The following EBF1 variants were observed in gnomAD, a reference collection of about 807,000 sequenced individuals.
EBF1 encodes transcription factor COE1.
In EBF1, 10 loss-of-function variants were observed where a neutral mutation model predicts 68.4. That is an observed-to-expected ratio of 0.15 (90% confidence interval 0.09 to 0.25). EBF1 has a LOEUF of 0.25. Among genes scored for constraint, EBF1 ranks in the 10% least tolerant of loss-of-function variants. EBF1 has a pLI of 1.00. For synonymous variants in EBF1, 298 were observed against 299.8 expected, an observed-to-expected ratio of 0.99 and a Z score of 0.06; for missense variants, 509 against 794.4, an observed-to-expected ratio of 0.64 and a Z score of 4.32.
At chr5:158,769,462 G>A (rs1030662027) in intron 10 of EBF1, among the ~76,000 whole-genome samples, 129 of 152,130 alleles carry the variant, frequency 8.5e-4, no homozygotes, top group East Asian at 3.9e-4. Flanking sequence ...ACTCCAAATA[G>A]GAAATAAAGG....
intron 10 of EBF1, among the ~76,000 whole-genome samples, chr5:158,758,212 C>G (rs1298141051): frequency 1.3e-5 from 2 of 152,140 alleles, no homozygotes; most frequent in Non-Finnish European, 2.9e-5. Flanking sequence ...GACTCTTGAT[C>G]CATTCATTTA....
At position 158,698,301 on chromosome 5, in the gene EBF1, T is replaced by C. The variant is rs1030123612; in HGVS notation, c.*810A>G. 2.2e-5 allele frequency: 5 copies of C among 222,354 alleles called. No homozygotes were observed. Among genetic ancestry groups the C allele is most frequent in the Non-Finnish European group, 4.5e-5 (5 of 111,134 alleles). 13.8% of individuals were successfully genotyped at this position (222,354 alleles called of 1,614,324 possible). On this transcript the variant is annotated 3_prime_UTR_variant, in exon 16 of 16. Transcript: ENST00000313708. The stretch of plus-strand genomic sequence containing the variant: ...ACCAAGCTCTCGAGAGGCCATCGGC[T>C]TCAGAAGAAACTGACTTAAGTAAAA...
chr5:158,911,470 A>C (rs1401408484), intron 6 of EBF1, among the ~76,000 whole-genome samples: 2 of 151,140 alleles, frequency 1.3e-5, no homozygotes, highest in Non-Finnish European at 3.0e-5. Context: ...GTTTTTTTTT[A>C]GTTTTGTTTT....
chr5:158,807,742 A>T (rs939059208), intron 8 of EBF1, among the ~76,000 whole-genome samples: 2 of 152,160 alleles, frequency 1.3e-5, no homozygotes, highest in African/African-American at 4.8e-5. Flanking sequence ...AACACACGGA[A>T]GTCCCCCAGT....
At chr5:159,095,774 C>A in intron 3 of EBF1, 99 bp from the exon 4 acceptor site, 2 of 1,271,968 alleles carry the variant, frequency 1.6e-6, no homozygotes, top group South Asian at 1.3e-5. Context: ...AACAAAACCC[C>A]CACACACATA....
Position 158,874,189 on chromosome 5 carries a change from A to G in EBF1, c.555-34079T>C, listed in dbSNP as rs367594037. Among the ~76,000 whole-genome samples the G allele has an allele frequency of 2.0e-3, 309 of 152,326 alleles. 3 individuals carry two copies. Among genetic ancestry groups the G allele is most frequent in the African/African-American group, 7.3e-3 (302 of 41,574 alleles). The stretch of plus-strand genomic sequence containing the variant: ...TCCTCTTTAAACATGGATACTGATA[A>G]TGAAATACCAGAAAAGTACACTCTG... On this transcript the variant is annotated intron_variant, in intron 6 of 15. Coordinates refer to ENST00000313708, the MANE Select transcript of EBF1 (RefSeq NM_024007.5).
intron 6 of EBF1, among the ~76,000 whole-genome samples, chr5:158,905,123 G>T (rs1804296062): frequency 6.6e-6 from 1 of 152,192 alleles, no homozygotes; most frequent in African/African-American, 2.4e-5. Context: ...ACTGGAATAA[G>T]CTCAAGCGAA....
At chr5:159,097,267 C>T in intron 1 of EBF1, 137 bp from the exon 2 acceptor site, 1 of 973,460 alleles carries the variant, frequency 1.0e-6, no homozygotes, top group South Asian at 1.7e-5. Context: ...CTTCACGCCC[C>T]TTCAGGCGAC....
At chr5:159,074,405 C>T (rs1778365812) in intron 5 of EBF1, among the ~76,000 whole-genome samples, 1 of 152,200 alleles carries the variant, frequency 6.6e-6, no homozygotes, top group South Asian at 2.1e-4. Flanking sequence ...CTTATAAAAG[C>T]AGTGAAGTAG....
intron 6 of EBF1, among the ~76,000 whole-genome samples, chr5:158,980,553 G>A (rs1757690544): frequency 1.3e-5 from 2 of 152,300 alleles, no homozygotes; most frequent in South Asian, 4.1e-4. Flanking sequence ...GAGAGAACAT[G>A]TGTTTATTGA....
chr5:159,067,357 C>T (rs926196839), intron 6 of EBF1, among the ~76,000 whole-genome samples: 5 of 152,128 alleles, frequency 3.3e-5, no homozygotes, highest in South Asian at 2.1e-4. Context: ...GGCTGATACC[C>T]GGGCCATGCT....
At chr5:158,850,438 T>C (rs921460561) in intron 6 of EBF1, among the ~76,000 whole-genome samples, 2 of 152,196 alleles carry the variant, frequency 1.3e-5, no homozygotes, top group Non-Finnish European at 2.9e-5. Context: ...TCTCATGCTG[T>C]CTTCATCAGA....
At chr5:159,070,485 T>G (rs990556690) in intron 6 of EBF1, among the ~76,000 whole-genome samples, 14 of 152,190 alleles carry the variant, frequency 9.2e-5, no homozygotes, top group Non-Finnish European at 1.9e-4. Flanking sequence ...CCAAAGTCAG[T>G]GGCAGCAAAT....
intron 6 of EBF1, among the ~76,000 whole-genome samples, chr5:158,954,853 C>T (rs1234813958): frequency 6.6e-6 from 1 of 152,182 alleles, no homozygotes. Flanking sequence ...CATGTGAATT[C>T]ATTTCTCATA....
In EBF1 at chr5:158,712,162, G is replaced by A. The variant is rs748700592; in HGVS notation, c.1541C>T (p.Pro514Leu). ...TATGCATCTCTACTTACTGGCATAG[G>A]GGGAGTTGGCAGCTGAGCCGTTGAG... ...TFLNGSAANS[P>L]YAIVPSSPTM... is the part of the protein sequence containing the mutation. The change falls in exon 14 of 16, where the codon CCC (proline) becomes CTC (leucine). Residue 514 changes from proline to leucine, a missense_variant. Pro to Leu is a moderately conservative substitution (Grantham distance 98). This residue lies in a region of EBF1 where 205 missense variants were observed against 247.4 expected (regional missense o/e 0.83). Transcript: ENST00000313708. 6.2e-7 allele frequency: 1 copy of A among 1,613,670 alleles called. No homozygotes were observed. Among genetic ancestry groups the A allele is most frequent in the African/African-American group, 1.3e-5 (1 of 74,940 alleles).
At chr5:158,968,247 T>C (rs574267211) in intron 6 of EBF1, among the ~76,000 whole-genome samples, 25 of 152,322 alleles carry the variant, frequency 1.6e-4, no homozygotes, top group African/African-American at 5.8e-4. Context: ...ACCAGTCAGA[T>C]AAAGCTCTCA....
intron 11 of EBF1, among the ~76,000 whole-genome samples, chr5:158,724,774 G>A (rs933965480): frequency 6.6e-6 from 1 of 152,158 alleles, no homozygotes; most frequent in Non-Finnish European, 1.5e-5. Flanking sequence ...CCACTAAATG[G>A]CTGATTTACT....
chr5:158,969,922 A>AGAAAC (rs34413450), intron 6 of EBF1, among the ~76,000 whole-genome samples: 1 of 125,102 alleles, frequency 8.0e-6, no homozygotes. Context: ...GAAAGAAAAA[A>AGAAAC]AAAAAAAAGG....
intron 10 of EBF1, among the ~76,000 whole-genome samples, chr5:158,741,321 T>A (rs186772235): frequency 2.0e-5 from 3 of 152,248 alleles, no homozygotes; most frequent in Admixed American, 1.3e-4. Flanking sequence ...ACACCTGTAA[T>A]CCTAGCACAT....
Sources: gnomAD v4.1 joint callset for allele counts (sites outside exome capture counted in the v4.1 genomes callset) on GRCh38, gnomAD v4.1.1 for gene constraint, gnomAD v4.1.1 regional missense constraint, MANE v1.5 for transcripts, NCBI Gene and HGNC (gene_info 2026-07-23, HGNC 2026-07-21) for gene names.